The following PAQR5 variants were observed in gnomAD, a reference collection of about 807,000 sequenced individuals.
The protein encoded by PAQR5 is membrane progestin receptor gamma.
A neutral mutation model predicts 34.5 loss-of-function variants in PAQR5; 20 were observed. The ratio of observed to expected loss-of-function variants is 0.58; its 90% CI spans 0.41 to 0.84. The LOEUF is 0.84. Among genes scored for constraint, PAQR5 ranks in the 40% least tolerant of loss-of-function variants. The pLI is 0.00. For missense variants in PAQR5, 378 were observed against 412.7 expected (o/e 0.92, Z 0.73); for synonymous variants, 131 against 155.6 (o/e 0.84, Z 1.18).
At chr15:69,350,553 G>A (rs964088237) in intron 2 of PAQR5, among the ~76,000 whole-genome samples, 3 of 152,178 alleles carry the variant, frequency 2.0e-5, no homozygotes, top group Admixed American at 6.6e-5. Flanking sequence ...TGAGGCGCAA[G>A]AATCGCTTGA....
chr15:69,342,612 C>T (rs2054671272), intron 2 of PAQR5, among the ~76,000 whole-genome samples: 1 of 152,186 alleles, frequency 6.6e-6, no homozygotes, highest in South Asian at 2.1e-4. Flanking sequence ...CCTCCATCGT[C>T]CCCCAGGGTG....
chr15:69,334,409 G>A (rs1277750140), intron 1 of PAQR5, among the ~76,000 whole-genome samples: 1 of 152,204 alleles, frequency 6.6e-6, no homozygotes, highest in Non-Finnish European at 1.5e-5. Flanking sequence ...AATAAGGTCA[G>A]GTATCAGATT....
At chr15:69,310,820 T>C (rs28376659) in intron 1 of PAQR5, among the ~76,000 whole-genome samples, 7,695 of 151,512 alleles carry the variant, frequency 0.051, 640 homozygotes, top group African/African-American at 0.18. Context: ...GGGTGGATCA[T>C]GAGGTCAGGA....
In PAQR5 at chr15:69,406,209, G is replaced by C. The variant is rs928784364; in HGVS notation, c.*2387G>C. On this transcript the variant is annotated 3_prime_UTR_variant, in exon 9 of 9. Coordinates refer to ENST00000395407, the MANE Select transcript of PAQR5 (RefSeq NM_017705.4). ...ATGGCATTGTCTCAAAAAAGACTATGGTGGGGAGGGTGGCACATTCCTAAT... is the reference window on the plus strand; with the variant it reads ...ATGGCATTGTCTCAAAAAAGACTATCGTGGGGAGGGTGGCACATTCCTAAT... 6.6e-6 allele frequency: 1 copy of C among 152,052 alleles called. No individual in the cohort carries two copies. Among genetic ancestry groups the C allele is most frequent in the African/African-American group, 2.4e-5 (1 of 41,384 alleles). 9.4% of individuals were successfully genotyped at this position (152,052 alleles called of 1,614,324 possible). A position where few individuals can be genotyped will look rare whatever the true frequency, so the allele number is the denominator to read the frequency against.
At chr15:69,358,539 G>A (rs1432468120) in intron 2 of PAQR5, among the ~76,000 whole-genome samples, 3 of 151,806 alleles carry the variant, frequency 2.0e-5, no homozygotes, top group South Asian at 2.1e-4. Flanking sequence ...GCTGCGGTGC[G>A]GCCTTGGGAA....
intron 2 of PAQR5, among the ~76,000 whole-genome samples, chr15:69,339,580 C>A (rs1374665242): frequency 1.3e-5 from 2 of 151,800 alleles, no homozygotes; most frequent in Non-Finnish European, 2.9e-5. Flanking sequence ...TCAAGCAATT[C>A]TCATGCCTCA....
At chr15:69,363,927 C>A (rs1360540646) in intron 3 of PAQR5, among the ~76,000 whole-genome samples, 3 of 152,070 alleles carry the variant, frequency 2.0e-5, no homozygotes, top group African/African-American at 7.2e-5. Context: ...GTCCCAGATG[C>A]CTTAGTTTAG....
At chr15:69,361,831 G>T (rs1415863194) in intron 3 of PAQR5, among the ~76,000 whole-genome samples, 1 of 152,150 alleles carries the variant, frequency 6.6e-6, no homozygotes, top group Non-Finnish European at 1.5e-5. Flanking sequence ...GAAGTGATCA[G>T]GGAAGGCTTC....
At chr15:69,320,997 G>A (rs1009268838) in intron 1 of PAQR5, among the ~76,000 whole-genome samples, 7 of 152,210 alleles carry the variant, frequency 4.6e-5, no homozygotes, top group East Asian at 1.9e-4. Context: ...AGAGACTGCC[G>A]TCTTTTATTT....
chr15:69,377,012 G>A (rs933557984), intron 3 of PAQR5, among the ~76,000 whole-genome samples: 4 of 152,148 alleles, frequency 2.6e-5, no homozygotes, highest in African/African-American at 7.2e-5. Context: ...TCTCCCTGCA[G>A]GTCACCGCCC....
chr15:69,301,644 T>C (rs1242556097), intron 1 of PAQR5, among the ~76,000 whole-genome samples: 1 of 152,090 alleles, frequency 6.6e-6, no homozygotes, highest in Non-Finnish European at 1.5e-5. Context: ...AGTAAGTGGT[T>C]CCAAAGGACT....
In PAQR5 at chr15:69,405,371, A is replaced by G. The variant is rs1426645039; in HGVS notation, c.*1549A>G. ...GCTCACTGTCTAATACTCGAAGGAC[A>G]AGTAACAATTTATATTGGATGAGAG... On this transcript the variant is annotated 3_prime_UTR_variant, in exon 9 of 9. Coordinates refer to ENST00000395407, the MANE Select transcript of PAQR5 (RefSeq NM_017705.4). 5.6e-6 allele frequency: 1 copy of G among 179,264 alleles called. No homozygotes were observed. Among genetic ancestry groups the G allele is most frequent in the African/African-American group, 2.3e-5 (1 of 42,596 alleles). The allele number at this position is 179,264 out of a possible 1,614,324, so 11.1% of individuals were successfully genotyped here.
intron 1 of PAQR5, among the ~76,000 whole-genome samples, chr15:69,322,769 A>C (rs867861308): frequency 0.04 from 1,179 of 29,570 alleles, 322 homozygotes; most frequent in East Asian, 0.11. Flanking sequence ...AAGAAGAAGA[A>C]GAGGGAGAAG....
Position 69,403,686 on chromosome 15 carries a change from C to A in PAQR5, c.857C>A (p.Thr286Asn). The change falls in exon 9 of 9, where the codon ACC becomes AAC. Residue 286 changes from threonine (T) to asparagine (N), a missense_variant. Coordinates refer to ENST00000395407, the MANE Select transcript of PAQR5 (RefSeq NM_017705.4). ...KTLRKEWLLATSKPFSFSQIA... is the reference protein window; with the variant it reads ...KTLRKEWLLANSKPFSFSQIA... ...CTGAGGAAGGAATGGCTCCTGGCCA[C>A]CTCCAAGCCCTTCTCTTTCTCTCAG... The A allele has an allele frequency of 3.1e-6, 5 of 1,614,196 alleles. No individual in the cohort carries two copies. Among genetic ancestry groups the A allele is most frequent in the Non-Finnish European group, 4.2e-6 (5 of 1,180,024 alleles).
chr15:69,377,426 AC>A (rs1053896464), intron 3 of PAQR5, among the ~76,000 whole-genome samples: 1 of 152,178 alleles, frequency 6.6e-6, no homozygotes, highest in African/African-American at 2.4e-5. Context: ...GAATCTGTCC[AC>A]CATAAACCGG....
intron 2 of PAQR5, among the ~76,000 whole-genome samples, chr15:69,346,886 C>T (rs1169713416): frequency 6.6e-6 from 1 of 151,220 alleles, no homozygotes; most frequent in African/African-American, 2.4e-5. Context: ...GTGCAATCTC[C>T]ACTCACTGCA....
chr15:69,350,248 G>A (rs1015511658), intron 2 of PAQR5, among the ~76,000 whole-genome samples: 1 of 152,318 alleles, frequency 6.6e-6, no homozygotes, highest in Non-Finnish European at 1.5e-5. Context: ...CAGATCTATG[G>A]CATTGGCTGG....
intron 1 of PAQR5, among the ~76,000 whole-genome samples, chr15:69,310,132 T>C (rs2053799154): frequency 6.6e-6 from 1 of 152,166 alleles, no homozygotes; most frequent in African/African-American, 2.4e-5. Context: ...GTCACATAAC[T>C]TATTTAACTA....
intron 2 of PAQR5, among the ~76,000 whole-genome samples, chr15:69,340,762 G>A (rs896279908): frequency 1.3e-5 from 2 of 152,170 alleles, no homozygotes; most frequent in Admixed American, 6.6e-5. Context: ...CCCTCACTGA[G>A]TGACCTCAAG....
Sources: allele counts gnomAD v4.1 joint callset (sites outside exome capture counted in the v4.1 genomes callset), GRCh38; gene constraint gnomAD v4.1.1; transcripts MANE v1.5; gene names NCBI Gene and HGNC (gene_info 2026-07-23, HGNC 2026-07-21).